CALN1: variants seen among roughly 807,000 people sequenced by gnomAD.
CALN1 encodes the protein calcium-binding protein 8.
In CALN1, 17 loss-of-function variants were observed where a neutral mutation model predicts 30.6. The observed-to-expected ratio is 0.56, with a 90% CI of 0.38 to 0.83. The LOEUF is 0.83. Ranked by LOEUF, CALN1 falls within the 40% of genes least tolerant of loss-of-function variation. CALN1 has a pLI of 0.00. For missense variants in CALN1, 291 were observed against 354.9 expected, an observed-to-expected ratio of 0.82 and a Z score of 1.45; for synonymous variants, 156 against 131.4, an observed-to-expected ratio of 1.19 and a Z score of -1.28.
intron 5 of CALN1, among the ~76,000 whole-genome samples, chr7:71,879,160 G>A (rs2083820051): frequency 6.6e-6 from 1 of 152,192 alleles, no homozygotes; most frequent in African/African-American, 2.4e-5. Context: ...TATTCCAAGA[G>A]TGTATTTCTT....
At chr7:72,132,726 T>C (rs1215047831) in intron 3 of CALN1, among the ~76,000 whole-genome samples, 1 of 152,192 alleles carries the variant, frequency 6.6e-6, no homozygotes, top group African/African-American at 2.4e-5. Flanking sequence ...CAATATTGTA[T>C]GTCCCCGGCT....
chr7:72,277,260 C>G (rs773825808), intron 3 of CALN1, among the ~76,000 whole-genome samples: 1 of 152,232 alleles, frequency 6.6e-6, no homozygotes, highest in East Asian at 1.9e-4. Context: ...TTTGTTACAG[C>G]AGCCTGAACA....
chr7:72,430,202 C>A (rs1807930696), intron 1 of CALN1, among the ~76,000 whole-genome samples: 1 of 147,428 alleles, frequency 6.8e-6, no homozygotes, highest in Non-Finnish European at 1.5e-5. Context: ...ATGTATATTT[C>A]TACATAATAA....
At chr7:72,006,576 T>A (rs1226642630) in intron 5 of CALN1, among the ~76,000 whole-genome samples, 1 of 111,922 alleles carries the variant, frequency 8.9e-6, no homozygotes, top group East Asian at 4.8e-4. Flanking sequence ...AAAAGTAGAT[T>A]TTTTTTAAAG....
At chr7:72,446,398 C>T (rs1289995935) in intron 1 of CALN1, among the ~76,000 whole-genome samples, 3 of 152,080 alleles carry the variant, frequency 2.0e-5, no homozygotes, top group Non-Finnish European at 4.4e-5. Flanking sequence ...TGAGACTCGG[C>T]TAGAAGTGAG....
chr7:72,315,141 C>T (rs561873252), intron 2 of CALN1, among the ~76,000 whole-genome samples: 3 of 151,964 alleles, frequency 2.0e-5, no homozygotes, highest in Admixed American at 6.6e-5. Context: ...CAGAGTGAGA[C>T]CCTGTAACTA....
intron 5 of CALN1, among the ~76,000 whole-genome samples, chr7:71,817,672 T>C (rs551425456): frequency 1.0e-3 from 159 of 152,068 alleles, no homozygotes; most frequent in African/African-American, 3.8e-3. Flanking sequence ...CCCACCACCA[T>C]GCCCAGCTAA....
intron 2 of CALN1, among the ~76,000 whole-genome samples, chr7:72,361,094 A>G (rs1333541103): frequency 3.3e-5 from 5 of 152,016 alleles, no homozygotes; most frequent in African/African-American, 7.2e-5. Context: ...ACTACTTTTC[A>G]TTTTTTGTAC....
At chr7:71,876,586 A>T (rs1216918744) in intron 5 of CALN1, among the ~76,000 whole-genome samples, 1 of 152,192 alleles carries the variant, frequency 6.6e-6, no homozygotes, top group Non-Finnish European at 1.5e-5. Flanking sequence ...GCTAACTTTT[A>T]TTGATTCTTT....
At chr7:72,413,165 A>G (rs1807284387), upstream of CALN1, among the ~76,000 whole-genome samples, 1 of 151,854 alleles carries the variant, frequency 6.6e-6, no homozygotes, top group African/African-American at 2.4e-5. Flanking sequence ...TTACACATAC[A>G]CTCATATGTA....
At chr7:72,314,449 A>T (rs1345417125) in intron 2 of CALN1, among the ~76,000 whole-genome samples, 2 of 148,692 alleles carry the variant, frequency 1.3e-5, no homozygotes, top group Non-Finnish European at 3.0e-5. Flanking sequence ...TTTTTGAGAG[A>T]GTCTCATTCT....
chr7:71,801,333 C>A (rs1787285675), intron 6 of CALN1, among the ~76,000 whole-genome samples: 1 of 151,980 alleles, frequency 6.6e-6, no homozygotes, highest in South Asian at 2.1e-4. Context: ...CCACCTGAGC[C>A]TCCTGAGTAG....
chr7:72,185,564 G>A (rs1481533144), intron 3 of CALN1, among the ~76,000 whole-genome samples: 1 of 152,154 alleles, frequency 6.6e-6, no homozygotes, highest in Admixed American at 6.5e-5. Flanking sequence ...ATGGGACTTT[G>A]CAGGTGTGAT....
chr7:72,479,009 G>A, the CALN1 span, among the ~76,000 whole-genome samples: 1 of 151,770 alleles, frequency 6.6e-6, no homozygotes. Context: ...AGCCTCCTGA[G>A]TAGCTGGGAC....
At chr7:72,301,604 G>C (rs1447600890) in intron 2 of CALN1, among the ~76,000 whole-genome samples, 27 of 69,060 alleles carry the variant, frequency 3.9e-4, no homozygotes, top group African/African-American at 1.5e-3. Context: ...CAAAGACTTT[G>C]TCTCTCAAAA....
chr7:72,304,277 G>A (rs770184661), intron 2 of CALN1, among the ~76,000 whole-genome samples: 3 of 152,208 alleles, frequency 2.0e-5, no homozygotes, highest in Admixed American at 1.3e-4. Context: ...AAGACTCCAC[G>A]TTCTTCCTGT....
rs1315350401 is a variant in CALN1, at chr7:71,947,945, A to G, written c.501+75712T>C. 2.0e-5 allele frequency among the ~76,000 whole-genome samples: 3 copies of G among 151,860 alleles called. No individual in the cohort carries two copies. In the East Asian group the frequency reaches 5.8e-4, roughly 29 times the overall value. Reference sequence around the variant, plus strand: ...GCAAGACTCCGTCTCAAAAAAAAAAAAAAGAAAGATGTGGACATGCTTTTT... The same window carrying G: ...GCAAGACTCCGTCTCAAAAAAAAAAGAAAGAAAGATGTGGACATGCTTTTT... On this transcript the variant is annotated intron_variant, in intron 5 of 6. Transcript: ENST00000395275.
chr7:72,011,675 C>T (rs1800089835), intron 5 of CALN1, among the ~76,000 whole-genome samples: 2 of 152,178 alleles, frequency 1.3e-5, no homozygotes, highest in South Asian at 4.1e-4. Flanking sequence ...TCTTTCCTTT[C>T]TCTCCTGTTT....
intron 3 of CALN1, among the ~76,000 whole-genome samples, chr7:72,220,974 T>G (rs932163213): frequency 2.0e-5 from 3 of 147,568 alleles, no homozygotes; most frequent in African/African-American, 7.3e-5. Context: ...TTGCAAAAAT[T>G]TTCTCCCATT....
Sources: gnomAD v4.1 joint callset for allele counts (sites outside exome capture counted in the v4.1 genomes callset) on GRCh38, gnomAD v4.1.1 for gene constraint, MANE v1.5 for transcripts, NCBI Gene and HGNC (gene_info 2026-07-23, HGNC 2026-07-21) for gene names.